The following FMN2 variants were observed in gnomAD, a reference collection of about 807,000 sequenced individuals.
FMN2 encodes the protein formin-2.
A neutral mutation model predicts 142.3 loss-of-function variants in FMN2; 51 were observed. That is an observed-to-expected ratio of 0.36 (90% CI 0.29 to 0.45). The LOEUF (loss-of-function observed/expected upper bound fraction) is 0.45. Among genes scored for constraint, FMN2 ranks in the 20% least tolerant of loss-of-function variants. The pLI is 1.00. For synonymous variants in FMN2, 882 were observed against 869.8 expected (o/e 1.01, Z -0.25); for missense variants, 1,936 against 2,122.8 (o/e 0.91, Z 1.73).
At chr1:240,098,114 T>TTTTTTTTTTTTTTTTTTTTTTTG (rs1661282680) in intron 1 of FMN2, among the ~76,000 whole-genome samples, 1 of 148,904 alleles carries the variant, frequency 6.7e-6, no homozygotes, top group African/African-American at 2.5e-5. Flanking sequence ...TTTTTTTTTT[T>TTTTTTTTTTTTTTTTTTTTTTTG]TTTTGGAGAC....
At chr1:240,148,432 A>G (rs1558321428) in intron 2 of FMN2, among the ~76,000 whole-genome samples, 1 of 136,866 alleles carries the variant, frequency 7.3e-6, no homozygotes, top group Non-Finnish European at 1.6e-5. Context: ...AAGATACAGA[A>G]AGAGAGAGAC....
chr1:240,211,014 T>C, intron 5 of FMN2, 77 bp from the exon 6 acceptor site: 1 of 1,406,528 alleles, frequency 7.1e-7, no homozygotes, highest in South Asian at 1.5e-5. Flanking sequence ...TCCCTCCCCT[T>C]CTTCCTTTCT....
In FMN2 at chr1:240,206,886, G is replaced by A. The variant is rs1337512757; in HGVS notation, c.2074G>A (p.Glu692Lys). Reference sequence around the variant, plus strand: ...TGAGGATCTGAGAACCAAAATAGCTGAACTAGAGAGGCAGTATCCTGCCCT... The same window carrying A: ...TGAGGATCTGAGAACCAAAATAGCTAAACTAGAGAGGCAGTATCCTGCCCT... ...TIEDLRTKIA[E>K]LERQYPALDT... Residue 692 changes from glutamate (E) to lysine (K), a missense_variant, in exon 5 of 18, where the codon GAA (glutamate) becomes AAA (lysine). By Grantham distance (56) the Glu-to-Lys change is moderately conservative. Around this residue, in one of 8 missense-constraint regions of FMN2, gnomAD observed 478 missense variants for 462.8 expected, o/e 1.03. Coordinates refer to ENST00000319653, the MANE Select transcript of FMN2 (RefSeq NM_020066.5). The A allele has an allele frequency of 1.2e-5, 20 of 1,614,074 alleles. No individual in the cohort carries two copies. Among genetic ancestry groups the A allele is most frequent in the Non-Finnish European group, 1.7e-5 (20 of 1,180,036 alleles).
intron 16 of FMN2, among the ~76,000 whole-genome samples, chr1:240,456,676 G>A (rs13374265): frequency 6.6e-6 from 1 of 152,074 alleles, no homozygotes; most frequent in Non-Finnish European, 1.5e-5. Flanking sequence ...GACTGGTCGC[G>A]AACTCCCGAC....
chr1:240,246,607 A>T (rs911422265), intron 6 of FMN2, among the ~76,000 whole-genome samples: 1 of 152,182 alleles, frequency 6.6e-6, no homozygotes, highest in Non-Finnish European at 1.5e-5. Flanking sequence ...AAAGCTCGTT[A>T]GAAACAAAGA....
chr1:240,406,285 CGGGAGTGGGGGGAG>C (rs1210961219), intron 15 of FMN2, among the ~76,000 whole-genome samples: 29 of 72,386 alleles, frequency 4.0e-4, no homozygotes, highest in South Asian at 1.2e-3. Flanking sequence ...GAAGCAGCCT[CGGGAGTGGGGGGAG>C]CGAAGGGAAG....
At chr1:240,123,774 C>CT (rs1019077409) in intron 2 of FMN2, among the ~76,000 whole-genome samples, 2 of 152,182 alleles carry the variant, frequency 1.3e-5, no homozygotes, top group African/African-American at 4.8e-5. Context: ...CTTTAGAACT[C>CT]TTTTTTATCA....
intron 11 of FMN2, 53 bp from the exon 12 acceptor site, chr1:240,333,834 A>T (rs1345208848): frequency 1.5e-6 from 2 of 1,374,280 alleles, no homozygotes; most frequent in Middle Eastern, 2.5e-4. Flanking sequence ...GTAACACTTT[A>T]TATTTAATTA....
intron 2 of FMN2, among the ~76,000 whole-genome samples, chr1:240,130,154 A>T (rs1662677952): frequency 6.6e-6 from 1 of 152,172 alleles, no homozygotes. Context: ...TATAAGTTGA[A>T]AGACATATGG....
At chr1:240,470,547 A>C (rs1407578811) in intron 16 of FMN2, among the ~76,000 whole-genome samples, 2 of 152,076 alleles carry the variant, frequency 1.3e-5, no homozygotes, top group East Asian at 3.9e-4. Flanking sequence ...TGCAATACTG[A>C]GTTGTTTGTT....
intron 14 of FMN2, among the ~76,000 whole-genome samples, chr1:240,387,255 G>A (rs993134495): frequency 6.6e-6 from 1 of 152,100 alleles, no homozygotes; most frequent in Non-Finnish European, 1.5e-5. Context: ...TCTATTTTCA[G>A]TAGACTCTAT....
intron 7 of FMN2, among the ~76,000 whole-genome samples, chr1:240,284,052 G>A (rs532392794): frequency 6.6e-6 from 1 of 152,240 alleles, no homozygotes; most frequent in African/African-American, 2.4e-5. Context: ...TCCAAGTGAG[G>A]AAAAGGAAAA....
chr1:240,184,733 G>A (rs888219684), intron 3 of FMN2, among the ~76,000 whole-genome samples: 2 of 151,860 alleles, frequency 1.3e-5, no homozygotes, highest in African/African-American at 4.8e-5. Flanking sequence ...GATCCTGGGA[G>A]GAGGAGAGTG....
intron 15 of FMN2, among the ~76,000 whole-genome samples, chr1:240,430,714 TA>T (rs61378739): frequency 0.07 from 8,977 of 127,426 alleles, 856 homozygotes; most frequent in African/African-American, 0.22. Context: ...ACCATTTGAT[TA>T]AAAAAAAAAA....
rs781652324 is a variant in FMN2 at position 240,207,465 on chromosome 1, G to C, written c.2653G>C (p.Gly885Arg). 9 of 1,611,876 alleles carry C rather than the reference G, an allele frequency of 5.6e-6. No individual in the cohort carries two copies. Among genetic ancestry groups the C allele is most frequent in the Non-Finnish European group, 7.6e-6 (9 of 1,179,462 alleles). ...GCCTCCCCCACCTCCCCCTCTCCCTGGCATGACAGTGCCTACTCTGCCCAG... is the reference window on the plus strand; with the variant it reads ...GCCTCCCCCACCTCCCCCTCTCCCTCGCATGACAGTGCCTACTCTGCCCAG... ...MVPPPPPPLPGMTVPTLPSTA... is the reference protein window; with the variant it reads ...MVPPPPPPLPRMTVPTLPSTA... The change falls in exon 5 of 18, where the codon GGC becomes CGC. Residue 885 changes from glycine to arginine, a missense_variant. Physicochemically the swap from Gly to Arg is moderately radical, Grantham distance 125 (BLOSUM62 -2). Around this residue, in one of 8 missense-constraint regions of FMN2, gnomAD observed 478 missense variants for 462.8 expected, o/e 1.03. Coordinates refer to ENST00000319653, the MANE Select transcript of FMN2 (RefSeq NM_020066.5).
rs558827073 is a variant in FMN2, at chr1:240,200,158, C to G, written c.1987-6641C>G. 9.9e-5 allele frequency among the ~76,000 whole-genome samples: 15 copies of G among 152,232 alleles called. No homozygotes were observed. In the South Asian group the frequency reaches 3.1e-3, roughly 32 times the overall value. On this transcript the variant is annotated intron_variant, in intron 4 of 17. Transcript: ENST00000319653. ...GGAGGGCTTTCCACGGACAACAGAG[C>G]GCCTGGCAGTCTCTTCGAGATTAAA...
intron 14 of FMN2, among the ~76,000 whole-genome samples, chr1:240,381,354 A>G (rs985692227): frequency 2.0e-5 from 3 of 152,234 alleles, no homozygotes; most frequent in Non-Finnish European, 4.4e-5. Flanking sequence ...TATTTTAGGA[A>G]TGCAAGGATG....
At chr1:240,258,491 G>A (rs1668524463) in intron 7 of FMN2, among the ~76,000 whole-genome samples, 1 of 151,972 alleles carries the variant, frequency 6.6e-6, no homozygotes, top group Non-Finnish European at 1.5e-5. Context: ...TTTTATAAGG[G>A]GACTGATCCC....
intron 8 of FMN2, among the ~76,000 whole-genome samples, chr1:240,310,674 G>A (rs1019409388): frequency 3.3e-5 from 5 of 152,152 alleles, no homozygotes; most frequent in Admixed American, 2.6e-4. Flanking sequence ...TTTACAGTTG[G>A]TTAACTATAT....
Sources: gnomAD v4.1 joint callset for allele counts (sites outside exome capture counted in the v4.1 genomes callset) on GRCh38, gnomAD v4.1.1 for gene constraint, gnomAD v4.1.1 regional missense constraint, MANE v1.5 for transcripts, NCBI Gene and HGNC (gene_info 2026-07-23, HGNC 2026-07-21) for gene names.